Variants in PPM1A observed in about 807,000 individuals in gnomAD.
PPM1A encodes protein phosphatase 1A.
A neutral mutation model predicts 35.0 loss-of-function variants in PPM1A; 7 were observed. That is an observed-to-expected ratio of 0.20 (90% CI 0.11 to 0.38). The LOEUF (loss-of-function observed/expected upper bound fraction) is 0.38. Ranked by LOEUF, PPM1A falls within the 10% of genes least tolerant of loss-of-function variation. The pLI is 1.00. For missense variants in PPM1A, 239 were observed against 467.8 expected, an observed-to-expected ratio of 0.51 and a Z score of 4.51; for synonymous variants, 153 against 167.3, an observed-to-expected ratio of 0.91 and a Z score of 0.66.
At chr14:60,259,910 C>T (rs969378631) in intron 1 of PPM1A, among the ~76,000 whole-genome samples, 12 of 151,730 alleles carry the variant, frequency 7.9e-5, no homozygotes, top group Admixed American at 3.9e-4. Context: ...TTTAAGAAAA[C>T]GACTTATGGA....
Position 60,286,730 on chromosome 14 carries a change from C to A in PPM1A, c.952+989C>A, listed in dbSNP as rs559073517. 2.7e-5 allele frequency: 27 copies of A among 983,806 alleles called. No individual in the cohort carries two copies. In the South Asian group the frequency reaches 9.9e-4, roughly 36 times the overall value. The allele number at this position is 983,806 out of a possible 1,614,324, so 60.9% of individuals were successfully genotyped here. On this transcript the variant is annotated intron_variant, in intron 3 of 5. Coordinates refer to ENST00000395076, the MANE Select transcript of PPM1A (RefSeq NM_021003.5). ...GATACCAATCATAATCAGTCTGATA[C>A]TAGAATCATGATTGGTTTTGTTCTT...
intron 1 of PPM1A, among the ~76,000 whole-genome samples, chr14:60,281,649 A>G (rs1886420750): frequency 6.6e-6 from 1 of 152,190 alleles, no homozygotes; most frequent in East Asian, 1.9e-4. Flanking sequence ...ACTTGAACCC[A>G]GGTGTCTACA....
chr14:60,272,090 C>T (rs1016796557), intron 1 of PPM1A, among the ~76,000 whole-genome samples: 1 of 148,322 alleles, frequency 6.7e-6, no homozygotes. Context: ...GTTGATGTGT[C>T]ATGTGACATG....
chr14:60,266,140 T>G (rs1301805188), intron 1 of PPM1A, among the ~76,000 whole-genome samples: 1 of 152,216 alleles, frequency 6.6e-6, no homozygotes, highest in East Asian at 1.9e-4. Context: ...CTAGCAGGAT[T>G]GGTCATTGCT....
upstream of PPM1A, chr14:60,245,876 C>T (rs1881752633): frequency 6.3e-7 from 1 of 1,591,150 alleles, no homozygotes; most frequent in Non-Finnish European, 8.6e-7. This position sits in a 1 kb window ranked among gnomAD's most constrained non-coding sequence, Gnocchi z 4.2. Flanking sequence ...AAATGGGTAG[C>T]AGAAGCTACA....
rs1402566121 is a variant in PPM1A, at chr14:60,294,400, C to G, written c.*1918C>G. On this transcript the variant is annotated 3_prime_UTR_variant, in exon 6 of 6. Transcript: ENST00000395076. ...ACCAATTCCATACTTACAATAAATA[C>G]TTAATGTCTAAATCTGTGGTAGAGT... 1 of 151,814 alleles carries G rather than the reference C, an allele frequency of 6.6e-6. No individual in the cohort carries two copies. The highest frequency in any genetic ancestry group is 1.9e-4 in the East Asian group (1 of 5,192). 9.4% of individuals were successfully genotyped at this position (151,814 alleles called of 1,614,324 possible).
chr14:60,274,533 GA>G (rs1205932443), intron 1 of PPM1A, among the ~76,000 whole-genome samples: 3 of 151,404 alleles, frequency 2.0e-5, no homozygotes, highest in African/African-American at 7.3e-5. Context: ...TAACATTCCT[GA>G]AAAAACTGTC....
rs1297092177 is a variant in PPM1A, at chr14:60,289,626, C to T, written c.953-180C>T. Among the ~76,000 whole-genome samples the T allele has an allele frequency of 1.3e-5, 2 of 149,754 alleles. No homozygotes were observed. Among genetic ancestry groups the T allele is most frequent in the Admixed American group, 6.7e-5 (1 of 15,036 alleles). ...AGTTAATCTTATATGTCATTTTGTG[C>T]ATTTTTTGTCATAAATCTTCAAAGG... On this transcript the variant is annotated intron_variant, in intron 3 of 5. Coordinates refer to ENST00000395076, the MANE Select transcript of PPM1A (RefSeq NM_021003.5). The surrounding 1 kb of genome is among the most constrained non-coding windows in gnomAD (Gnocchi z 4.1).
At position 60,249,357 on chromosome 14, in the gene PPM1A, A is replaced by T. The variant is rs878987975; in HGVS notation, c.-341A>T. 5.8e-5 allele frequency: 12 copies of T among 207,670 alleles called. No individual in the cohort carries two copies. The highest frequency in any genetic ancestry group is 6.5e-5 in the Non-Finnish European group (12 of 184,322). The allele number at this position is 207,670 out of a possible 1,614,324, so 12.9% of individuals were successfully genotyped here. A position where few individuals can be genotyped will look rare whatever the true frequency, so the allele number is the denominator to read the frequency against. ...GTTGCTCCGGAACGGGTGGTTGGGG[A>T]GGGGGGGGTGGGGGGACTCTAGACA... On this transcript the variant is annotated 5_prime_UTR_variant, in exon 1 of 6. Coordinates refer to ENST00000395076, the MANE Select transcript of PPM1A (RefSeq NM_021003.5). The surrounding 1 kb of genome is among the most constrained non-coding windows in gnomAD (Gnocchi z 4.5).
At chr14:60,260,113 A>T (rs994168291) in intron 1 of PPM1A, among the ~76,000 whole-genome samples, 3 of 152,056 alleles carry the variant, frequency 2.0e-5, no homozygotes, top group Admixed American at 6.6e-5. Context: ...TTTTTTAAAA[A>T]TTTTGGGGTA....
At chr14:60,285,297 C>A (rs1886876280) in intron 2 of PPM1A, among the ~76,000 whole-genome samples, 1 of 152,110 alleles carries the variant, frequency 6.6e-6, no homozygotes, top group African/African-American at 2.4e-5. Flanking sequence ...TTAGGTATCA[C>A]TTCAAATTAA....
At chr14:60,250,405 C>T (rs1379110988) in intron 1 of PPM1A, 9 of 984,528 alleles carry the variant, frequency 9.1e-6, no homozygotes, top group Non-Finnish European at 1.1e-5. Context: ...GGAGCCTTTT[C>T]TTGAAAGACA....
chr14:60,268,125 C>T (rs1687462020), intron 1 of PPM1A, among the ~76,000 whole-genome samples: 1 of 152,022 alleles, frequency 6.6e-6, no homozygotes, highest in African/African-American at 2.4e-5. Flanking sequence ...ATTCCTTCAC[C>T]CTTTGCCTTC....
chr14:60,281,251 A>G (rs1886381822), intron 1 of PPM1A, among the ~76,000 whole-genome samples: 1 of 152,216 alleles, frequency 6.6e-6, no homozygotes, highest in Non-Finnish European at 1.5e-5. Context: ...GGGATGGATG[A>G]TAGCTAGTTT....
intron 3 of PPM1A, chr14:60,287,026 A>T (rs1887091209): frequency 1.1e-6 from 1 of 925,366 alleles, no homozygotes; most frequent in South Asian, 5.0e-5. Context: ...ATTTAAATTC[A>T]TAAGAATAAT....
At chr14:60,261,935 G>A (rs749618527) in intron 1 of PPM1A, among the ~76,000 whole-genome samples, 1 of 152,168 alleles carries the variant, frequency 6.6e-6, no homozygotes, top group Non-Finnish European at 1.5e-5. Context: ...AATACACACT[G>A]TTAGACTGTT....
chr14:60,280,366 C>A (rs1173059534), intron 1 of PPM1A, among the ~76,000 whole-genome samples: 1 of 152,188 alleles, frequency 6.6e-6, no homozygotes, highest in South Asian at 2.1e-4. Context: ...TCAGTAGTCA[C>A]ACTATTACTA....
intron 1 of PPM1A, among the ~76,000 whole-genome samples, chr14:60,253,952 A>G (rs1442827872): frequency 6.6e-6 from 1 of 152,080 alleles, no homozygotes; most frequent in African/African-American, 2.4e-5. Context: ...AAGCTACTTG[A>G]TTTCTTAAAC....
At chr14:60,269,375 A>T (rs1279174677) in intron 1 of PPM1A, among the ~76,000 whole-genome samples, 1 of 152,100 alleles carries the variant, frequency 6.6e-6, no homozygotes, top group Non-Finnish European at 1.5e-5. Flanking sequence ...TGTCTTCTTC[A>T]TGTCTTCTTA....
Sources: gnomAD v4.1 joint callset for allele counts (sites outside exome capture counted in the v4.1 genomes callset) on GRCh38, gnomAD v4.1.1 for gene constraint, Gnocchi (gnomAD v3.1) non-coding constraint, MANE v1.5 for transcripts, NCBI Gene and HGNC (gene_info 2026-07-23, HGNC 2026-07-21) for gene names.